The following WDPCP variants were observed in gnomAD, a reference collection of about 807,000 sequenced individuals.
The protein encoded by WDPCP is WD repeat-containing and planar cell polarity effector protein fritz homolog.
In WDPCP, 71 loss-of-function variants were observed where a neutral mutation model predicts 93.1. The observed-to-expected ratio is 0.76, with a 90% confidence interval of 0.63 to 0.93. The LOEUF is 0.93. Ranked by LOEUF, WDPCP falls within the 40% of genes least tolerant of loss-of-function variation. WDPCP has a pLI of 0.00. For synonymous variants in WDPCP, 315 were observed against 315.0 expected (o/e 1.00, Z 0.00); for missense variants, 844 against 887.4 (o/e 0.95, Z 0.62).
At chr2:63,597,367 G>C in intron 3 of WDPCP, 1 of 1,333,336 alleles carries the variant, frequency 7.5e-7, no homozygotes, top group Non-Finnish European at 9.7e-7. Flanking sequence ...TGATGTTTAA[G>C]TAGCTCTGCG....
intron 12 of WDPCP, among the ~76,000 whole-genome samples, chr2:63,373,921 C>T (rs1205943627): frequency 6.6e-6 from 1 of 151,436 alleles, no homozygotes; most frequent in Non-Finnish European, 1.5e-5. Flanking sequence ...TGCTTTAACT[C>T]TCTTCACTCC....
rs534984271 is a variant in WDPCP at position 63,763,142 on chromosome 2, T to C, written n.308+50480A>G. On this transcript the variant is annotated intron_variant and non_coding_transcript_variant, in intron 2 of 4. Transcript: ENST00000467687. ...GACCATACTTATTTGAGTTGGGGGG[T>C]ATGCCTTATTGTTCTCAGTATTCCT... is the stretch of plus-strand genomic sequence containing the variant. Among the ~76,000 whole-genome samples, 5 of 152,244 alleles carry C rather than the reference T, an allele frequency of 3.3e-5. No homozygotes were observed. In the South Asian group the frequency reaches 6.2e-4, roughly 19 times the overall value.
At chr2:63,822,909 C>G (rs1368159084) in intron 1 of WDPCP, among the ~76,000 whole-genome samples, 1 of 150,340 alleles carries the variant, frequency 6.7e-6, no homozygotes, top group Non-Finnish European at 1.5e-5. Context: ...TTTATTTGAT[C>G]AGATCTGCTT....
chr2:63,363,142 CAAG>C (rs1404024675), intron 12 of WDPCP, among the ~76,000 whole-genome samples: 1 of 151,690 alleles, frequency 6.6e-6, no homozygotes, highest in African/African-American at 2.4e-5. Flanking sequence ...TCAAACAATA[CAAG>C]AAGCACAAAG....
intron 2 of WDPCP, chr2:63,717,245 T>C (rs1669351822): frequency 5.6e-6 from 3 of 535,678 alleles, no homozygotes; most frequent in Admixed American, 4.1e-5. Flanking sequence ...GCTGACCTGA[T>C]GCGTAAGAAG....
At chr2:63,279,502 A>C (rs1331496492) in intron 13 of WDPCP, among the ~76,000 whole-genome samples, 3 of 152,200 alleles carry the variant, frequency 2.0e-5, no homozygotes, top group Non-Finnish European at 2.9e-5. Context: ...CAGCCAACAT[A>C]ATACTGAATG....
At chr2:63,593,919 A>G (rs563939081) in intron 3 of WDPCP, among the ~76,000 whole-genome samples, 1 of 152,194 alleles carries the variant, frequency 6.6e-6, no homozygotes, top group South Asian at 2.1e-4. Flanking sequence ...TGCTTTTAAA[A>G]ATAATTTTCC....
intron 3 of WDPCP, chr2:63,594,852 T>C: frequency 5.9e-6 from 2 of 339,454 alleles, no homozygotes; most frequent in East Asian, 1.3e-4. Flanking sequence ...ATGGGAGATA[T>C]CACTAATGAC....
At chr2:63,689,675 T>G (rs532511827) in intron 2 of WDPCP, among the ~76,000 whole-genome samples, 1 of 152,310 alleles carries the variant, frequency 6.6e-6, no homozygotes, top group South Asian at 2.1e-4. Context: ...CCTAGTTTCT[T>G]AATTTTAAAG....
intron 2 of WDPCP, chr2:63,717,635 G>T (rs777628689): frequency 9.5e-6 from 5 of 524,710 alleles, no homozygotes; most frequent in Non-Finnish European, 1.9e-5. Context: ...CCCATGTTAA[G>T]CTGACTGCTC....
At chr2:63,380,876 CTAAT>C (rs1403882089) in intron 11 of WDPCP, among the ~76,000 whole-genome samples, 34 of 152,270 alleles carry the variant, frequency 2.2e-4, no homozygotes, top group African/African-American at 7.9e-4. Context: ...CATGTACTTA[CTAAT>C]TATTCTTCTC....
intron 6 of WDPCP, among the ~76,000 whole-genome samples, chr2:63,455,819 T>C (rs1436656918): frequency 1.3e-5 from 2 of 152,186 alleles, no homozygotes; most frequent in African/African-American, 4.8e-5. Context: ...AACCAGACTT[T>C]AGACCAAACC....
intron 14 of WDPCP, among the ~76,000 whole-genome samples, chr2:63,256,154 C>CTGTT (rs1681127961): frequency 6.6e-6 from 1 of 152,128 alleles, no homozygotes; most frequent in Non-Finnish European, 1.5e-5. Flanking sequence ...TCAGCCCCCA[C>CTGTT]TGTTTTTGTT....
intron 14 of WDPCP, among the ~76,000 whole-genome samples, chr2:63,230,264 C>T (rs934006899): frequency 6.6e-6 from 1 of 152,078 alleles, no homozygotes. Context: ...TGGACATGAA[C>T]TCATCCTTTT....
intron 2 of WDPCP, among the ~76,000 whole-genome samples, chr2:63,746,475 G>A (rs1169074683): frequency 6.6e-6 from 1 of 152,156 alleles, no homozygotes; most frequent in Non-Finnish European, 1.5e-5. Flanking sequence ...CTGCCTGTGG[G>A]CTGGGCAGGA....
In WDPCP at chr2:63,762,299, G is replaced by A. The variant is rs979503620; in HGVS notation, n.308+51323C>T. 3.3e-5 allele frequency among the ~76,000 whole-genome samples: 5 copies of A among 152,254 alleles called. No individual in the cohort carries two copies. In the East Asian group the frequency reaches 9.7e-4, roughly 29 times the overall value. On this transcript the variant is annotated intron_variant and non_coding_transcript_variant, in intron 2 of 4. Coordinates refer to the WDPCP transcript ENST00000467687. ...CTTTTTCTATAAGGGTTTTTCTGTG[G>A]CCCTTTGATCATTATGTGAGCAAGC...
chr2:63,445,579 GA>G (rs1160420729), intron 6 of WDPCP, among the ~76,000 whole-genome samples: 1 of 152,010 alleles, frequency 6.6e-6, no homozygotes, highest in East Asian at 1.9e-4. Flanking sequence ...AATTTGGTAG[GA>G]CAAAAAAGAA....
chr2:63,322,492 C>T (rs1482885124), intron 12 of WDPCP, among the ~76,000 whole-genome samples: 2 of 152,164 alleles, frequency 1.3e-5, no homozygotes, highest in Non-Finnish European at 2.9e-5. Flanking sequence ...CTCCTGAAGT[C>T]AGTGAGACCA....
upstream of WDPCP, chr2:63,588,696 A>G: frequency 2.1e-6 from 1 of 485,676 alleles, no homozygotes; most frequent in East Asian, 3.9e-5. Context: ...GGGCTCCATC[A>G]GGCAGGTCCT....
Sources: gnomAD v4.1 joint callset for allele counts (sites outside exome capture counted in the v4.1 genomes callset) on GRCh38, gnomAD v4.1.1 for gene constraint, MANE v1.5 for transcripts, NCBI Gene and HGNC (gene_info 2026-07-23, HGNC 2026-07-21) for gene names.